The following PGM2 variants were observed in gnomAD, a reference collection of about 807,000 sequenced individuals.
The protein encoded by PGM2 is phosphopentomutase.
Under a neutral mutation model 74.6 loss-of-function variants are expected in PGM2, and 57 were observed. The observed-to-expected ratio is 0.76, with a 90% CI of 0.62 to 0.95. The LOEUF (loss-of-function observed/expected upper bound fraction) is 0.95. PGM2 is among the 40% of genes least tolerant of loss of function. The probability of loss-of-function intolerance (pLI) is 0.00; values close to 1 mark genes in which losing one functional copy is unlikely to be tolerated. For synonymous variants in PGM2, 273 were observed against 260.7 expected (o/e 1.05, Z -0.46); for missense variants, 706 against 741.9 (o/e 0.95, Z 0.56).
At chr4:37,832,145 G>A (rs866944099) in intron 2 of PGM2, among the ~76,000 whole-genome samples, 2 of 152,106 alleles carry the variant, frequency 1.3e-5, no homozygotes, top group South Asian at 2.1e-4. Context: ...ACACCCCTTG[G>A]GATAATTTTC....
intron 2 of PGM2, 73 bp downstream of exon 2, chr4:37,830,204 T>G: frequency 1.9e-6 from 2 of 1,079,004 alleles, no homozygotes; most frequent in Non-Finnish European, 2.6e-6. Context: ...AGACCTAATT[T>G]ATTCTAATTA....
At chr4:37,861,427 G>A (rs1158309626) in intron 13 of PGM2, 83 bp from the exon 14 acceptor site, 4 of 811,300 alleles carry the variant, frequency 4.9e-6, no homozygotes, top group South Asian at 1.6e-5. Context: ...TATTTTCATT[G>A]TCACTTGGTC....
chr4:37,847,855 A>G (rs146519337), intron 10 of PGM2, among the ~76,000 whole-genome samples: 9 of 152,326 alleles, frequency 5.9e-5, no homozygotes, highest in African/African-American at 1.9e-4. Flanking sequence ...ATTGTACCAA[A>G]CGCTTTTAGC....
intron 6 of PGM2, among the ~76,000 whole-genome samples, chr4:37,842,959 G>A (rs550052927): frequency 2.0e-4 from 31 of 152,178 alleles, no homozygotes; most frequent in Admixed American, 7.2e-4. Flanking sequence ...CACTGTGCCC[G>A]GTCAACATGT....
intron 12 of PGM2, among the ~76,000 whole-genome samples, chr4:37,850,613 C>T (rs1726014599): frequency 6.6e-6 from 1 of 151,936 alleles, no homozygotes; most frequent in South Asian, 2.1e-4. Flanking sequence ...CCAGCCTGGC[C>T]AACACGGCAA....
At chr4:37,826,893 T>C (rs926811566) in intron 1 of PGM2, 80 bp downstream of exon 1, 30 of 829,708 alleles carry the variant, frequency 3.6e-5, no homozygotes, top group Non-Finnish European at 5.5e-5. Context: ...CTGCTTGCTC[T>C]GCCTGAGCTG....
At chr4:37,857,567 G>C (rs1013998994) in intron 13 of PGM2, among the ~76,000 whole-genome samples, 20 of 152,142 alleles carry the variant, frequency 1.3e-4, no homozygotes, top group African/African-American at 4.6e-4. Flanking sequence ...TTTATCATGA[G>C]GGAAATAGCA....
chr4:37,855,224 T>TA (rs745599772), intron 12 of PGM2, among the ~76,000 whole-genome samples: 1 of 152,020 alleles, frequency 6.6e-6, no homozygotes, highest in Non-Finnish European at 1.5e-5. Context: ...CAGCCCCTGG[T>TA]AACCACTATT....
Position 37,835,787 on chromosome 4 carries a change from C to T in PGM2, c.356+1063C>T, listed in dbSNP as rs1169970552. On this transcript the variant is annotated intron_variant, in intron 3 of 13. Transcript: ENST00000381967. Reference sequence around the variant, plus strand: ...GGGAAAATCACCCGGTGGCATCAGCCCCAGGTTCAACTCAGGAGGGCATAA... The same window carrying T: ...GGGAAAATCACCCGGTGGCATCAGCTCCAGGTTCAACTCAGGAGGGCATAA... Among the ~76,000 whole-genome samples the T allele has an allele frequency of 2.0e-5, 3 of 152,126 alleles. 1 individual carries two copies. Among genetic ancestry groups the T allele is most frequent in the Non-Finnish European group, 2.9e-5 (2 of 68,044 alleles).
Position 37,844,360 on chromosome 4 carries a change from C to G in PGM2, c.720-4C>G. The G allele has an allele frequency of 6.3e-7, 1 of 1,596,890 alleles. No individual in the cohort carries two copies. Among genetic ancestry groups the G allele is most frequent in the Non-Finnish European group, 8.5e-7 (1 of 1,169,664 alleles). On this transcript the variant is annotated splice_polypyrimidine_tract_variant and splice_region_variant and intron_variant, in intron 6 of 13. Transcript: ENST00000381967. Reference sequence around the variant, plus strand: ...ATCATTTTCCACTGTGTATCTGATTCTAGGAGCGTGAACAGGGAGACAAAG... The same window carrying G: ...ATCATTTTCCACTGTGTATCTGATTGTAGGAGCGTGAACAGGGAGACAAAG...
At chr4:37,848,965 G>A (rs1252553782) in intron 11 of PGM2, among the ~76,000 whole-genome samples, 3 of 151,726 alleles carry the variant, frequency 2.0e-5, no homozygotes, top group Non-Finnish European at 1.5e-5. Context: ...AGCTACTCAG[G>A]AGGCTGAGGC....
intron 8 of PGM2, 120 bp from the exon 9 acceptor site, chr4:37,846,809 AAC>A: frequency 1.3e-6 from 1 of 741,432 alleles, no homozygotes; most frequent in Non-Finnish European, 2.2e-6. Context: ...GAATAACAAG[AAC>A]AGCCTTGCAG....
chr4:37,839,420 GTGTTTTCCTCAA>G (rs761234239), intron 4 of PGM2: 3 of 385,592 alleles, frequency 7.8e-6, no homozygotes, highest in South Asian at 2.0e-5. Flanking sequence ...TGGCCCCTCA[GTGTTTTCCTCAA>G]TGTTTTCCTT....
chr4:37,860,943 T>A (rs1009416595), intron 13 of PGM2, among the ~76,000 whole-genome samples: 6 of 152,202 alleles, frequency 3.9e-5, no homozygotes, highest in African/African-American at 1.4e-4. Context: ...CATTATGATA[T>A]GACCACAGGG....
intron 2 of PGM2, among the ~76,000 whole-genome samples, chr4:37,832,171 C>T (rs1362595954): frequency 6.6e-6 from 1 of 152,226 alleles, no homozygotes; most frequent in Non-Finnish European, 1.5e-5. Context: ...GACCCCACCA[C>T]TCTGAAGTGC....
rs3752683 is a variant in PGM2 at position 37,834,680 on chromosome 4, T to C, written c.312T>C (p.Ser104=). The change falls in exon 3 of 14, where the codon AGT becomes AGC. Residue 104 remains serine, a synonymous_variant. Coordinates refer to ENST00000381967, the MANE Select transcript of PGM2 (RefSeq NM_018290.4). ...SDLKQKGIVI[S]FDARAHPSSG... is the part of the protein sequence containing the mutation. ...TAAAGCAGAAAGGCATCGTGATCAG[T>C]TTTGACGCCCGAGCTCATCCATCCA... is the stretch of plus-strand genomic sequence containing the variant. 370,094 of 1,597,158 alleles carry C rather than the reference T, an allele frequency of 0.23. 50,970 individuals are homozygous for C. The highest frequency in any genetic ancestry group is 0.64 in the African/African-American group (47,379 of 74,324).
chr4:37,852,133 CTTTTTT>C (rs778968323), intron 12 of PGM2, among the ~76,000 whole-genome samples: 137 of 47,268 alleles, frequency 2.9e-3, no homozygotes, highest in African/African-American at 0.01. Flanking sequence ...ATGCCCAGCT[CTTTTTT>C]TTTTTTTTTT....
intron 6 of PGM2, among the ~76,000 whole-genome samples, chr4:37,841,394 T>C (rs970848017): frequency 1.3e-5 from 2 of 151,888 alleles, no homozygotes; most frequent in African/African-American, 2.4e-5. Flanking sequence ...GTCCCACCCC[T>C]CCTGATTGTC....
At position 37,844,503 on chromosome 4, in the gene PGM2, G is replaced by A. The variant is rs780429643; in HGVS notation, c.859G>A (p.Glu287Lys). The A allele has an allele frequency of 6.2e-7, 1 of 1,613,982 alleles. No individual in the cohort carries two copies. Among genetic ancestry groups the A allele is most frequent in the East Asian group, 2.2e-5 (1 of 44,886 alleles). Residue 287 changes from glutamate (E) to lysine (K), a missense_variant, in exon 7 of 14, where the codon GAG (glutamate) becomes AAG (lysine). Physicochemically the swap from Glu to Lys is moderately conservative, Grantham distance 56. Around this residue, in one of 3 missense-constraint regions of PGM2, gnomAD observed 15 missense variants for 35.8 expected, o/e 0.42. Coordinates refer to ENST00000381967, the MANE Select transcript of PGM2 (RefSeq NM_018290.4). ...TCCTGAACAGAAAGATCCGGATCCTGAGTTTCCAACAGTGAAATACCCGAA... is the reference window on the plus strand; with the variant it reads ...TCCTGAACAGAAAGATCCGGATCCTAAGTTTCCAACAGTGAAATACCCGAA... The part of the protein sequence containing the change: ...AVPEQKDPDP[E>K]FPTVKYPNPE...
Sources: allele counts gnomAD v4.1 joint callset (sites outside exome capture counted in the v4.1 genomes callset), GRCh38; gene constraint gnomAD v4.1.1; regional missense constraint gnomAD v4.1.1; transcripts MANE v1.5; gene names NCBI Gene and HGNC (gene_info 2026-07-23, HGNC 2026-07-21).